MEF2D: variants seen among roughly 807,000 people sequenced by gnomAD.
The protein encoded by MEF2D is myocyte-specific enhancer factor 2D.
In MEF2D, 10 loss-of-function variants were observed where a neutral mutation model predicts 59.3. The ratio of observed to expected loss-of-function variants is 0.17; its 90% CI spans 0.10 to 0.29. The LOEUF is 0.29. MEF2D is among the 10% of genes least tolerant of loss of function. The pLI is 1.00. For synonymous variants in MEF2D, 305 were observed against 295.0 expected, an observed-to-expected ratio of 1.03 and a Z score of -0.35; for missense variants, 508 against 699.4, an observed-to-expected ratio of 0.73 and a Z score of 3.09.
At chr1:156,481,997 C>G (rs961849049) in intron 3 of MEF2D, among the ~76,000 whole-genome samples, 1 of 152,146 alleles carries the variant, frequency 6.6e-6, no homozygotes, top group African/African-American at 2.4e-5. Context: ...ATAGAACTAC[C>G]GGGCCCACAA....
intron 6 of MEF2D, among the ~76,000 whole-genome samples, chr1:156,477,868 C>G (rs1671722064): frequency 6.6e-6 from 1 of 152,228 alleles, no homozygotes; most frequent in South Asian, 2.1e-4. Flanking sequence ...CCATAATTAG[C>G]CTGGTAATAA....
intron 4 of MEF2D, among the ~76,000 whole-genome samples, chr1:156,480,268 T>G (rs1185041162): frequency 6.6e-6 from 1 of 150,654 alleles, no homozygotes; most frequent in Non-Finnish European, 1.5e-5. Flanking sequence ...GCCTTCCCCT[T>G]CAGCAGTTCT....
intron 1 of MEF2D, among the ~76,000 whole-genome samples, chr1:156,495,264 G>A (rs542402383): frequency 7.7e-4 from 117 of 152,006 alleles, no homozygotes; most frequent in Middle Eastern, 6.8e-3. Context: ...CCATTGCCCC[G>A]TCCTGCAGGG....
chr1:156,486,306 C>T (rs1322347269), intron 1 of MEF2D, among the ~76,000 whole-genome samples: 2 of 151,640 alleles, frequency 1.3e-5, no homozygotes, highest in Admixed American at 6.5e-5. Flanking sequence ...CTTCCCAGTG[C>T]AATCCAAAGA....
At position 156,467,194 on chromosome 1, in the gene MEF2D, C is replaced by G. The variant is rs1670898627; in HGVS notation, c.*451G>C. The G allele has an allele frequency of 6.8e-6, 1 of 146,064 alleles. No homozygotes were observed. The highest frequency in any genetic ancestry group is 2.5e-5 in the African/African-American group (1 of 39,536). The allele number at this position is 146,064 out of a possible 1,614,324, so 9.0% of individuals were successfully genotyped here. A position where few individuals can be genotyped will look rare whatever the true frequency, so the allele number is the denominator to read the frequency against. Reference sequence around the variant, plus strand: ...ATCAAGCCCACTTTGGGGTTTCAGTCTAGAGTGTGGGTTTCTGTTGTTTGG... The same window carrying G: ...ATCAAGCCCACTTTGGGGTTTCAGTGTAGAGTGTGGGTTTCTGTTGTTTGG... On this transcript the variant is annotated 3_prime_UTR_variant, in exon 12 of 12. Coordinates refer to ENST00000348159, the MANE Select transcript of MEF2D (RefSeq NM_005920.4).
At chr1:156,489,065 T>C (rs994184929) in intron 1 of MEF2D, among the ~76,000 whole-genome samples, 7 of 152,180 alleles carry the variant, frequency 4.6e-5, no homozygotes, top group Non-Finnish European at 1.0e-4. Context: ...CCAGAGAAGC[T>C]GAGTGAGCAG....
Position 156,480,843 on chromosome 1 carries a change from C to T in MEF2D, c.387G>A (p.Arg129=). ...AGTGAGTGGGGCTCACCCCATAGCG[C>T]CGGAAGAGCCCGTCGAGCTCCTCGC... ...RASEELDGLF[R]RYGSTVPAPN... The change falls in exon 4 of 12, where the codon CGG becomes CGA. Residue 129 remains arginine (R), a synonymous_variant. Coordinates refer to ENST00000348159, the MANE Select transcript of MEF2D (RefSeq NM_005920.4). The T allele has an allele frequency of 1.3e-6, 2 of 1,593,718 alleles. No individual in the cohort carries two copies. The highest frequency in any genetic ancestry group is 8.5e-7 in the Non-Finnish European group (1 of 1,170,470).
intron 1 of MEF2D, among the ~76,000 whole-genome samples, chr1:156,495,600 G>A (rs1405750436): frequency 6.6e-6 from 1 of 151,762 alleles, no homozygotes; most frequent in African/African-American, 2.4e-5. Context: ...TGAATGGGAG[G>A]CTGCAGTGAG....
chr1:156,471,434 C>G (rs1334474051), intron 9 of MEF2D, among the ~76,000 whole-genome samples: 1 of 152,170 alleles, frequency 6.6e-6, no homozygotes, highest in Non-Finnish European at 1.5e-5. Flanking sequence ...CGGCCAGAAT[C>G]AACTATTTCT....
At position 156,477,046 on chromosome 1, in the gene MEF2D, G is replaced by A. The variant is rs374535815; in HGVS notation, c.821C>T (p.Thr274Ile). 3.7e-6 allele frequency: 6 copies of A among 1,613,838 alleles called. No homozygotes were observed. In the African/African-American group the frequency reaches 4.0e-5, roughly 11 times the overall value. Residue 274 changes from threonine (T) to isoleucine (I), a missense_variant, in exon 7 of 12, where the codon ACT (threonine) becomes ATT (isoleucine). Around this residue, in one of 2 missense-constraint regions of MEF2D, gnomAD observed 481 missense variants for 584.7 expected, o/e 0.82. Transcript: ENST00000348159. ...CATTAACCCCTTTCCTGCCTGGGAA[G>A]TGATGACTCGCAGGTCGGGCTTGCG... is the stretch of plus-strand genomic sequence containing the variant. ...PSRKPDLRVI[T>I]SQAGKGLMHH... is the part of the protein sequence containing the mutation.
rs1437942175 is a variant in MEF2D at position 156,494,370 on chromosome 1, G to A, written c.-139+6116C>T. Among the ~76,000 whole-genome samples the A allele has an allele frequency of 2.0e-5, 3 of 152,130 alleles. No individual in the cohort carries two copies. In the East Asian group the frequency reaches 5.8e-4, roughly 29 times the overall value. On this transcript the variant is annotated intron_variant, in intron 1 of 11. Transcript: ENST00000348159. ...AACCCTAGGTATTTGCTGGTGGGCT[G>A]AGGATGAGAGAATCACGAGGGATAA...
rs373655922 is a variant in MEF2D at position 156,471,666 on chromosome 1, G to A, written c.1007-2646C>T. 2.8e-4 allele frequency among the ~76,000 whole-genome samples: 43 copies of A among 152,352 alleles called. No individual in the cohort carries two copies. The South Asian group carries it at 8.5e-3, about 30-fold the overall frequency. On this transcript the variant is annotated intron_variant, in intron 9 of 11. Transcript: ENST00000348159. ...CCAGAGCCACCACAGCCAGGCCTCTGCGGCCAGTGTCAACAAGGGGCCAGG... is the reference window on the plus strand; with the variant it reads ...CCAGAGCCACCACAGCCAGGCCTCTACGGCCAGTGTCAACAAGGGGCCAGG...
Position 156,477,030 on chromosome 1 carries a change from C to T in MEF2D, c.837G>A (p.Lys279=). The T allele has an allele frequency of 1.2e-6, 2 of 1,613,956 alleles. No individual in the cohort carries two copies. The highest frequency in any genetic ancestry group is 1.7e-6 in the Non-Finnish European group (2 of 1,179,864). ...DLRVITSQAG[K]GLMHHLTEDH... ...CACTTACCAAGTGATGCATTAACCC[C>T]TTTCCTGCCTGGGAAGTGATGACTC... The change falls in exon 7 of 12, where the codon AAG becomes AAA. Residue 279 remains lysine (K), a synonymous_variant. Coordinates refer to ENST00000348159, the MANE Select transcript of MEF2D (RefSeq NM_005920.4).
intron 1 of MEF2D, among the ~76,000 whole-genome samples, chr1:156,493,323 C>T (rs976203725): frequency 5.9e-5 from 9 of 152,164 alleles, no homozygotes; most frequent in African/African-American, 1.9e-4. Context: ...GCAAATCCTC[C>T]TAGAGACATC....
rs1331796982 is a variant in MEF2D at position 156,492,166 on chromosome 1, G to A, written c.-139+8320C>T. ...GAGAAGAATCCCATTCCCCTCTTTA[G>A]TGCTAAGGTTGGGGCGGCAGCAGCA... is the stretch of plus-strand genomic sequence containing the variant. On this transcript the variant is annotated intron_variant, in intron 1 of 11. Transcript: ENST00000348159. Among the ~76,000 whole-genome samples, 4 of 152,270 alleles carry A rather than the reference G, an allele frequency of 2.6e-5. No homozygotes were observed. The East Asian group carries it at 7.7e-4, about 29-fold the overall frequency.
intron 1 of MEF2D, among the ~76,000 whole-genome samples, chr1:156,487,045 G>GGTT (rs1672419315): frequency 6.6e-6 from 1 of 152,168 alleles, no homozygotes; most frequent in African/African-American, 2.4e-5. Context: ...CCCTCAGGTT[G>GGTT]GTTGGTGCAG....
intron 3 of MEF2D, 81 bp from the exon 4 acceptor site, chr1:156,481,052 G>C (rs1042256779): frequency 6.3e-7 from 1 of 1,589,300 alleles, no homozygotes; most frequent in Non-Finnish European, 8.6e-7. Flanking sequence ...CCCTCCCTAA[G>C]GGCCCCCTAC....
intron 1 of MEF2D, among the ~76,000 whole-genome samples, chr1:156,489,327 C>T (rs1460583836): frequency 6.6e-6 from 1 of 151,964 alleles, no homozygotes; most frequent in African/African-American, 2.4e-5. Context: ...CACCTGTCAC[C>T]CCCACAGTCA....
intron 1 of MEF2D, among the ~76,000 whole-genome samples, chr1:156,498,167 C>T (rs1246047857): frequency 1.4e-5 from 2 of 140,144 alleles, no homozygotes; most frequent in Non-Finnish European, 3.0e-5. Flanking sequence ...GCCAGAAAGA[C>T]TATCATATCT....
Sources: allele counts gnomAD v4.1 joint callset (sites outside exome capture counted in the v4.1 genomes callset), GRCh38; gene constraint gnomAD v4.1.1; regional missense constraint gnomAD v4.1.1; transcripts MANE v1.5; gene names NCBI Gene and HGNC (gene_info 2026-07-23, HGNC 2026-07-21).